RBFOX1: variants seen among roughly 807,000 people sequenced by gnomAD.
RBFOX1 encodes the protein RNA binding fox-1 homolog 1.
In RBFOX1, 8 loss-of-function variants were observed where a neutral mutation model predicts 57.7. That is an observed-to-expected ratio of 0.14 (90% CI 0.08 to 0.25). The LOEUF (loss-of-function observed/expected upper bound fraction) is 0.25, where lower values mean the gene tolerates loss of function less well. RBFOX1 is among the 10% of genes least tolerant of loss of function. The pLI is 1.00. For synonymous variants in RBFOX1, 326 were observed against 222.4 expected, an observed-to-expected ratio of 1.47 and a Z score of -4.15; for missense variants, 611 against 548.5, an observed-to-expected ratio of 1.11 and a Z score of -1.14.
intron 4 of RBFOX1, among the ~76,000 whole-genome samples, chr16:7,441,786 C>G (rs962305953): frequency 6.6e-6 from 1 of 152,198 alleles, no homozygotes; most frequent in East Asian, 1.9e-4. Context: ...GCTTTCCACT[C>G]CCAGGTCAAC....
intron 9 of RBFOX1, among the ~76,000 whole-genome samples, chr16:7,602,281 C>A (rs1274453095): frequency 6.6e-6 from 1 of 152,106 alleles, no homozygotes; most frequent in Non-Finnish European, 1.5e-5. Flanking sequence ...AGATGTGGCC[C>A]CTTGAGTCCT....
intron 3 of RBFOX1, among the ~76,000 whole-genome samples, chr16:5,776,535 C>T (rs79656139): frequency 4.6e-5 from 7 of 152,352 alleles, no homozygotes; most frequent in Admixed American, 1.3e-4. Flanking sequence ...GTATTTATTA[C>T]GTGCCCACTA....
intron 4 of RBFOX1, among the ~76,000 whole-genome samples, chr16:7,444,151 G>A (rs1022088636): frequency 6.6e-6 from 1 of 152,176 alleles, no homozygotes; most frequent in African/African-American, 2.4e-5. Context: ...ACATTAGCTA[G>A]GGTTATTAGT....
chr16:6,512,088 T>C (rs551195080), intron 2 of RBFOX1, among the ~76,000 whole-genome samples: 3 of 149,424 alleles, frequency 2.0e-5, no homozygotes, highest in Non-Finnish European at 3.0e-5. Context: ...GTATGCAACA[T>C]AGTAAGACCT....
intron 1 of RBFOX1, among the ~76,000 whole-genome samples, chr16:5,364,708 T>G (rs28378743): frequency 0.031 from 4,762 of 152,302 alleles, 108 homozygotes; most frequent in Middle Eastern, 0.078. Context: ...TCTTTAGGAA[T>G]CTCCAAACAG....
At chr16:6,015,843 A>G (rs1339910417), upstream of RBFOX1, among the ~76,000 whole-genome samples, 2 of 152,216 alleles carry the variant, frequency 1.3e-5, no homozygotes, top group African/African-American at 2.4e-5. Context: ...GACAGTTGCA[A>G]TCACTCATTT....
Position 5,658,035 on chromosome 16 carries a change from G to C in RBFOX1, c.318+59074G>C, listed in dbSNP as rs7188409. ...GCGTGAGCCACTGCGCCCAGCTAAG[G>C]TCTGCAAATTCTTGATACCATTTCG... On this transcript the variant is annotated intron_variant, in intron 3 of 19. Transcript: ENST00000641259. 4.3e-3 allele frequency among the ~76,000 whole-genome samples: 661 copies of C among 152,172 alleles called. 6 individuals carry two copies. Among genetic ancestry groups the C allele is most frequent in the African/African-American group, 0.015 (604 of 41,512 alleles).
chr16:5,522,862 G>T (rs181057546), intron 2 of RBFOX1, among the ~76,000 whole-genome samples: 5 of 152,322 alleles, frequency 3.3e-5, no homozygotes, highest in Admixed American at 3.3e-4. Flanking sequence ...CTGCTAAAAT[G>T]ACAGGATTCC....
chr16:6,028,087 G>T (rs143437419), intron 1 of RBFOX1, among the ~76,000 whole-genome samples: 7 of 152,194 alleles, frequency 4.6e-5, no homozygotes, highest in African/African-American at 1.7e-4. Context: ...CTTGGGACCA[G>T]CCCCCTGTCT....
chr16:6,730,896 A>T (rs1258396364), intron 3 of RBFOX1, among the ~76,000 whole-genome samples: 1 of 152,124 alleles, frequency 6.6e-6, no homozygotes, highest in African/African-American at 2.4e-5. Flanking sequence ...AGAATTACCA[A>T]ATATGGGGTG....
chr16:7,322,610 G>T (rs117010570), intron 4 of RBFOX1, among the ~76,000 whole-genome samples: 4 of 152,302 alleles, frequency 2.6e-5, no homozygotes, highest in Admixed American at 6.5e-5. Context: ...AATATTTGGG[G>T]AGTTACATGC....
At chr16:5,996,335 A>C (rs144307593) in intron 4 of RBFOX1, among the ~76,000 whole-genome samples, 236 of 152,116 alleles carry the variant, frequency 1.6e-3, no homozygotes, top group Middle Eastern at 3.4e-3. Flanking sequence ...CTGATTTGAA[A>C]CCCATGAGAA....
chr16:5,937,010 T>C lies in RBFOX1; in HGVS notation c.351+69675T>C, dbSNP rs374415432. ...GTGTCAGTGTACCTTTTACTCAATA[T>C]CTCTGAGCCTTAGTTTTCTCATCTG... On this transcript the variant is annotated intron_variant, in intron 4 of 19. Transcript: ENST00000641259. 3.3e-5 allele frequency among the ~76,000 whole-genome samples: 5 copies of C among 152,298 alleles called. No homozygotes were observed. The East Asian group carries it at 7.7e-4, about 24-fold the overall frequency.
intron 4 of RBFOX1, among the ~76,000 whole-genome samples, chr16:7,416,307 G>T (rs1445630497): frequency 6.6e-6 from 1 of 152,202 alleles, no homozygotes; most frequent in African/African-American, 2.4e-5. Context: ...GAGACTCTGA[G>T]CTTACGGACA....
chr16:6,856,360 TG>T (rs2057899369), intron 3 of RBFOX1, among the ~76,000 whole-genome samples: 1 of 152,112 alleles, frequency 6.6e-6, no homozygotes, highest in African/African-American at 2.4e-5. Flanking sequence ...GTAACTAGGA[TG>T]ATGAGTAGAC....
chr16:6,247,125 A>C (rs189300750), intron 1 of RBFOX1, among the ~76,000 whole-genome samples: 6 of 152,312 alleles, frequency 3.9e-5, no homozygotes, highest in Admixed American at 3.9e-4. Flanking sequence ...ACTTTCAATC[A>C]TATCAAGGTT....
At chr16:7,132,826 A>G (rs1439718270) in intron 4 of RBFOX1, among the ~76,000 whole-genome samples, 2 of 152,132 alleles carry the variant, frequency 1.3e-5, no homozygotes, top group East Asian at 3.8e-4. Flanking sequence ...AAAAAAAGAT[A>G]CATCTTTCAG....
intron 3 of RBFOX1, among the ~76,000 whole-genome samples, chr16:5,762,267 A>T (rs879630001): frequency 2.2e-4 from 34 of 152,252 alleles, no homozygotes; most frequent in African/African-American, 1.4e-4. Context: ...ACTTGGAAAA[A>T]TGTTCAGACT....
At chr16:7,558,497 TC>T (rs2089419294) in intron 5 of RBFOX1, among the ~76,000 whole-genome samples, 1 of 152,142 alleles carries the variant, frequency 6.6e-6, no homozygotes, top group Non-Finnish European at 1.5e-5. Flanking sequence ...ACACATATTT[TC>T]GTATATGTAT....
Sources: allele counts gnomAD v4.1 joint callset (sites outside exome capture counted in the v4.1 genomes callset), GRCh38; gene constraint gnomAD v4.1.1; transcripts MANE v1.5; gene names NCBI Gene and HGNC (gene_info 2026-07-23, HGNC 2026-07-21).